The following MME variants were observed in gnomAD, a reference collection of about 807,000 sequenced individuals.
MME encodes the protein neprilysin.
MME carries 98 observed loss-of-function variants against 113.2 expected under a neutral mutation model. The observed-to-expected ratio is 0.87, with a 90% CI of 0.74 to 1.02. The LOEUF is 1.02. MME is among the 50% of genes least tolerant of loss of function. MME has a pLI of 0.00. For missense variants in MME, 836 were observed against 896.0 expected, an observed-to-expected ratio of 0.93 and a Z score of 0.86; for synonymous variants, 292 against 300.6, an observed-to-expected ratio of 0.97 and a Z score of 0.30.
chr3:155,141,483 G>A (rs184645753), intron 10 of MME, among the ~76,000 whole-genome samples: 38 of 152,140 alleles, frequency 2.5e-4, no homozygotes, highest in African/African-American at 7.9e-4. Context: ...ACCCAATATC[G>A]ATAATTGAAA....
intron 1 of MME, among the ~76,000 whole-genome samples, chr3:155,055,185 AC>A (rs1475362020): frequency 2.6e-5 from 4 of 152,352 alleles, no homozygotes; most frequent in Middle Eastern, 3.4e-3. Flanking sequence ...TGGAAAAAAA[AC>A]GATTATATGC....
In MME at chr3:155,138,226, A is replaced by T; in HGVS notation, c.845A>T (p.Glu282Val). The stretch of plus-strand genomic sequence containing the variant: ...AATAAAGTTATGGAATTGGAAAAAG[A>T]AATTGCCAATGTAAAACACATTTTT... ...EMNKVMELEK[E>V]IANATAKPED... Residue 282 changes from glutamate (E) to valine (V), a missense_variant, in exon 9 of 23, where the codon GAA becomes GTA. Glu to Val is a moderately radical substitution (Grantham distance 121). Transcript: ENST00000360490. The T allele has an allele frequency of 6.2e-7, 1 of 1,613,624 alleles. No individual in the cohort carries two copies. The highest frequency in any genetic ancestry group is 8.5e-7 in the Non-Finnish European group (1 of 1,179,696).
intron 1 of MME, among the ~76,000 whole-genome samples, chr3:155,037,216 G>T (rs1204645369): frequency 1.3e-5 from 2 of 152,138 alleles, no homozygotes; most frequent in Non-Finnish European, 2.9e-5. Flanking sequence ...TCCATTGATT[G>T]TCTTCTCAGC....
intron 14 of MME, among the ~76,000 whole-genome samples, chr3:155,144,846 C>G (rs148669784): frequency 6.6e-6 from 1 of 152,158 alleles, no homozygotes; most frequent in African/African-American, 2.4e-5. Context: ...TAAGATTTCT[C>G]AGGAAATCTT....
Position 155,171,953 on chromosome 3 carries a change from G to A in MME, c.1981-164G>A, listed in dbSNP as rs1391407403. On this transcript the variant is annotated intron_variant, in intron 20 of 22. Coordinates refer to ENST00000360490, the MANE Select transcript of MME (RefSeq NM_007289.4). Reference sequence around the variant, plus strand: ...AAGCATTTGTAAATAAATTTGATTTGTCTTTCTAATCCATAAAATAGTTGT... The same window carrying A: ...AAGCATTTGTAAATAAATTTGATTTATCTTTCTAATCCATAAAATAGTTGT... Among the ~76,000 whole-genome samples, 4 of 152,116 alleles carry A rather than the reference G, an allele frequency of 2.6e-5. No homozygotes were observed. In the South Asian group the frequency reaches 6.2e-4, roughly 24 times the overall value.
chr3:155,045,039 G>A (rs993651556), intron 1 of MME, among the ~76,000 whole-genome samples: 2 of 151,450 alleles, frequency 1.3e-5, no homozygotes, highest in African/African-American at 2.4e-5. Flanking sequence ...ACTTTAAATC[G>A]GGTTGGAATT....
upstream of MME, chr3:155,079,630 T>TGGGGGGGGGGGGGGG (rs1455585736): frequency 1.5e-4 from 4 of 27,488 alleles, no homozygotes; most frequent in African/African-American, 2.1e-4. Flanking sequence ...GGGTAGGGGG[T>TGGGGGGGGGGGGGGG]GGGGGGGGTG....
chr3:155,060,829 CAGAGAGAGAGAGAGAG>C (rs138935329), intron 1 of MME, among the ~76,000 whole-genome samples: 3 of 137,674 alleles, frequency 2.2e-5, no homozygotes, highest in Non-Finnish European at 4.8e-5. Context: ...TGCAGAGAGG[CAGAGAGAGAGAGAGAG>C]AGAGAGAGAG....
At chr3:155,125,138 C>A (rs1375174695) in intron 8 of MME, among the ~76,000 whole-genome samples, 1 of 146,668 alleles carries the variant, frequency 6.8e-6, no homozygotes, top group Admixed American at 6.9e-5. Flanking sequence ...GTTTTTAAGC[C>A]GGTCTGAAAA....
rs577174006 is a variant in MME at position 155,030,049 on chromosome 3, G to A, written c.-11+5725G>A. Among the ~76,000 whole-genome samples, 31 of 152,234 alleles carry A rather than the reference G, an allele frequency of 2.0e-4. No homozygotes were observed. The South Asian group carries it at 6.4e-3, about 32-fold the overall frequency. On this transcript the variant is annotated intron_variant, in intron 1 of 22. Transcript: ENST00000492661. ...TAGTTAGGCAATCCTCAATTTGCAT[G>A]CCCAAAGACATGACTTTTAGGTGAA...
chr3:155,179,785 T>A (rs1290788460), intron 22 of MME, among the ~76,000 whole-genome samples: 2 of 152,288 alleles, frequency 1.3e-5, no homozygotes, highest in East Asian at 3.9e-4. Context: ...TGCCAGCCCT[T>A]TCCAGTTATT....
At chr3:155,175,936 T>C (rs1712476092) in intron 22 of MME, among the ~76,000 whole-genome samples, 1 of 152,190 alleles carries the variant, frequency 6.6e-6, no homozygotes, top group Non-Finnish European at 1.5e-5. Context: ...GCAGAATTTC[T>C]GTTAGCCCCT....
At chr3:155,173,435 T>A (rs181133999) in intron 22 of MME, among the ~76,000 whole-genome samples, 3 of 152,180 alleles carry the variant, frequency 2.0e-5, no homozygotes, top group Non-Finnish European at 4.4e-5. Flanking sequence ...ATAAAATGAA[T>A]GTAAGCATAC....
At chr3:155,168,847 A>C (rs754501230) in intron 20 of MME, 50 bp downstream of exon 20, 1 of 1,463,638 alleles carries the variant, frequency 6.8e-7, no homozygotes, top group East Asian at 2.3e-5. Flanking sequence ...AGTGTTTCTC[A>C]TATTTAATAA....
intron 22 of MME, among the ~76,000 whole-genome samples, chr3:155,174,325 C>CGTGTGTGT (rs3839085): frequency 5.9e-4 from 65 of 110,328 alleles, no homozygotes; most frequent in East Asian, 1.5e-3. Flanking sequence ...ACAACAGAAG[C>CGTGTGTGT]GTGTGTGTGT....
intron 1 of MME, among the ~76,000 whole-genome samples, chr3:155,028,599 G>T (rs1712863162): frequency 6.6e-6 from 1 of 152,154 alleles, no homozygotes; most frequent in African/African-American, 2.4e-5. Flanking sequence ...GAGCAAGATA[G>T]CAGACTTTTC....
rs191898295 is a variant in MME at position 155,033,454 on chromosome 3, G to A, written c.-11+9130G>A. ...TGTTTTCTATTCATTCAAAACTATG[G>A]TGGAAACTATGTAACAAGCTTCATT... On this transcript the variant is annotated intron_variant, in intron 1 of 22. Transcript: ENST00000492661. Among the ~76,000 whole-genome samples, 60 of 152,046 alleles carry A rather than the reference G, an allele frequency of 3.9e-4. No homozygotes were observed. The East Asian group carries it at 0.011, about 28-fold the overall frequency.
intron 1 of MME, among the ~76,000 whole-genome samples, chr3:155,059,109 C>T (rs1234097270): frequency 2.6e-5 from 4 of 151,728 alleles, no homozygotes; most frequent in Admixed American, 1.3e-4. Context: ...CAAAAAATTA[C>T]CCAGGCATGC....
chr3:155,125,620 C>G (rs1349834321), intron 8 of MME, among the ~76,000 whole-genome samples: 1 of 151,624 alleles, frequency 6.6e-6, no homozygotes, highest in Admixed American at 6.6e-5. Context: ...GCCACCGCGC[C>G]CAGCTAATTT....
Sources: gnomAD v4.1 joint callset for allele counts (sites outside exome capture counted in the v4.1 genomes callset) on GRCh38, gnomAD v4.1.1 for gene constraint, MANE v1.5 for transcripts, NCBI Gene and HGNC (gene_info 2026-07-23, HGNC 2026-07-21) for gene names.